Variants in CSMD1 observed in about 807,000 individuals in gnomAD.
The protein encoded by CSMD1 is CUB and Sushi multiple domains 1, also known as CUB and sushi domain-containing protein 1.
CSMD1 carries 213 observed loss-of-function variants against 417.5 expected under a neutral mutation model. The observed-to-expected ratio is 0.51, with a 90% CI of 0.46 to 0.57. CSMD1 has a LOEUF of 0.57. CSMD1 is among the 20% of genes least tolerant of loss of function. CSMD1 has a pLI of 0.00. For synonymous variants in CSMD1, 2,862 were observed against 1,736.8 expected, an observed-to-expected ratio of 1.65 and a Z score of -16.11; for missense variants, 6,923 against 4,529.7, an observed-to-expected ratio of 1.53 and a Z score of -15.17.
chr8:4,909,342 C>G (rs1020823091), intron 1 of CSMD1, among the ~76,000 whole-genome samples: 1 of 152,158 alleles, frequency 6.6e-6, no homozygotes, highest in Admixed American at 6.5e-5. Flanking sequence ...TCCTTGCCTT[C>G]TACTACTTTT....
Position 4,076,134 on chromosome 8 carries a change from G to A in CSMD1, c.416-44035C>T, listed in dbSNP as rs117389897. The stretch of plus-strand genomic sequence containing the variant: ...GTGTCATGGGAGGGACCCTGTAGGA[G>A]GTAACTGAATCATGCGTGTGGTTGC... On this transcript the variant is annotated intron_variant, in intron 3 of 69. Transcript: ENST00000635120. Among the ~76,000 whole-genome samples the A allele has an allele frequency of 3.9e-3, 597 of 152,262 alleles. 15 individuals are homozygous for A. The East Asian group carries it at 0.06, about 15-fold the overall frequency.
chr8:4,943,119 A>C (rs888436012), intron 1 of CSMD1, among the ~76,000 whole-genome samples: 8 of 152,196 alleles, frequency 5.3e-5, no homozygotes, highest in Non-Finnish European at 7.3e-5. Flanking sequence ...ATTTGAAGGA[A>C]TTAGTGGAGG....
intron 26 of CSMD1, among the ~76,000 whole-genome samples, chr8:3,274,088 C>A (rs1302705547): frequency 4.6e-5 from 7 of 151,806 alleles, no homozygotes; most frequent in Admixed American, 4.6e-4. Context: ...TCCCTCTACA[C>A]ACTGCTTTGA....
chr8:4,753,411 ACAC>A (rs1811470457), intron 1 of CSMD1, among the ~76,000 whole-genome samples: 1 of 41,902 alleles, frequency 2.4e-5, no homozygotes, highest in Non-Finnish European at 5.6e-5. Context: ...AACCACACAC[ACAC>A]ACACACACAC....
intron 2 of CSMD1, among the ~76,000 whole-genome samples, chr8:4,628,291 T>C (rs1009030788): frequency 6.6e-6 from 1 of 151,162 alleles, no homozygotes; most frequent in Non-Finnish European, 1.5e-5. Flanking sequence ...TTAACTTAAT[T>C]TGTCATTTGC....
intron 1 of CSMD1, among the ~76,000 whole-genome samples, chr8:4,974,336 C>A (rs1810421507): frequency 6.6e-6 from 1 of 152,158 alleles, no homozygotes; most frequent in South Asian, 2.1e-4. Flanking sequence ...AGCACAGTCT[C>A]ACAATGTCTC....
intron 3 of CSMD1, among the ~76,000 whole-genome samples, chr8:4,060,464 G>T (rs563431214): frequency 6.6e-6 from 1 of 152,240 alleles, no homozygotes; most frequent in South Asian, 2.1e-4. Context: ...TTCTAATGAT[G>T]CTTGTTATTA....
chr8:3,494,043 A>C (rs894065624), intron 10 of CSMD1, among the ~76,000 whole-genome samples: 4 of 152,200 alleles, frequency 2.6e-5, no homozygotes, highest in African/African-American at 4.8e-5. Flanking sequence ...GTGCTTAACT[A>C]AATCAATATT....
chr8:4,102,932 T>C (rs1309209776), intron 3 of CSMD1, among the ~76,000 whole-genome samples: 2 of 152,152 alleles, frequency 1.3e-5, no homozygotes, highest in Non-Finnish European at 2.9e-5. Context: ...ACATTTACTT[T>C]AAAAATAAGT....
At chr8:4,711,076 T>C (rs373101021) in intron 1 of CSMD1, among the ~76,000 whole-genome samples, 2 of 151,860 alleles carry the variant, frequency 1.3e-5, no homozygotes, top group African/African-American at 2.4e-5. Flanking sequence ...GACATGATAT[T>C]TCAGAAAACA....
At chr8:4,169,720 C>T (rs886997192) in intron 3 of CSMD1, among the ~76,000 whole-genome samples, 1 of 152,118 alleles carries the variant, frequency 6.6e-6, no homozygotes, top group Non-Finnish European at 1.5e-5. Context: ...CTCCCTACCC[C>T]ATTCTCACTT....
intron 3 of CSMD1, among the ~76,000 whole-genome samples, chr8:4,391,775 C>T (rs1377545415): frequency 6.6e-6 from 1 of 152,164 alleles, no homozygotes; most frequent in Non-Finnish European, 1.5e-5. Flanking sequence ...CTTTCCCTCT[C>T]CCCTGAGTTT....
intron 7 of CSMD1, among the ~76,000 whole-genome samples, chr8:3,650,521 C>A (rs1405062220): frequency 2.6e-5 from 4 of 152,126 alleles, no homozygotes; most frequent in East Asian, 1.9e-4. Context: ...AGCCTTCATT[C>A]TCTACTCAGG....
intron 2 of CSMD1, among the ~76,000 whole-genome samples, chr8:4,602,994 C>T (rs958121862): frequency 6.6e-6 from 1 of 151,826 alleles, no homozygotes; most frequent in East Asian, 1.9e-4. Flanking sequence ...TTAGTAAAGA[C>T]TGAACTATTT....
At chr8:4,869,990 A>G (rs1802641468) in intron 1 of CSMD1, among the ~76,000 whole-genome samples, 1 of 152,132 alleles carries the variant, frequency 6.6e-6, no homozygotes, top group Non-Finnish European at 1.5e-5. Flanking sequence ...AATTGAAAAT[A>G]ATGCATAACA....
chr8:2,951,085 A>G (rs1156891382), intron 66 of CSMD1, 29 bp downstream of exon 66: 3 of 1,601,694 alleles, frequency 1.9e-6, no homozygotes, highest in East Asian at 2.2e-5. Flanking sequence ...TGCTCACACC[A>G]TGCGTTTAGT....
intron 10 of CSMD1, among the ~76,000 whole-genome samples, chr8:3,571,594 G>A (rs531998866): frequency 6.6e-6 from 1 of 152,162 alleles, no homozygotes; most frequent in Admixed American, 6.5e-5. Flanking sequence ...GCACCTACTG[G>A]AGGCAGCTGC....
intron 2 of CSMD1, among the ~76,000 whole-genome samples, chr8:4,420,695 G>A (rs529324230): frequency 2.0e-5 from 3 of 152,220 alleles, no homozygotes; most frequent in African/African-American, 7.2e-5. Flanking sequence ...GAGTGAGATG[G>A]TCAGGATAGC....
chr8:4,774,863 C>A (rs2117162665), intron 1 of CSMD1, among the ~76,000 whole-genome samples: 1 of 152,270 alleles, frequency 6.6e-6, no homozygotes, highest in South Asian at 2.1e-4. Context: ...TCCTTGTTTA[C>A]CTTCCGCCAT....
Sources: gnomAD v4.1 joint callset for allele counts (sites outside exome capture counted in the v4.1 genomes callset) on GRCh38, gnomAD v4.1.1 for gene constraint, MANE v1.5 for transcripts, NCBI Gene and HGNC (gene_info 2026-07-23, HGNC 2026-07-21) for gene names.